STPG2: variants seen among roughly 807,000 people sequenced by gnomAD.
STPG2 encodes the protein sperm tail PG-rich repeat containing 2.
STPG2 carries 56 observed loss-of-function variants against 54.2 expected under a neutral mutation model. That is an observed-to-expected ratio of 1.03 (90% CI 0.83 to 1.29). STPG2 has a LOEUF of 1.29. Among genes scored for constraint, STPG2 ranks in the 50% most tolerant of loss-of-function variants. The probability of loss-of-function intolerance (pLI) is 0.00; values close to 1 mark genes in which losing one functional copy is unlikely to be tolerated. For missense variants in STPG2, 596 were observed against 544.9 expected (o/e 1.09, Z -0.93); for synonymous variants, 200 against 181.8 (o/e 1.10, Z -0.81).
chr4:97,985,941 C>T (rs1282185850), intron 5 of STPG2, among the ~76,000 whole-genome samples: 4 of 142,564 alleles, frequency 2.8e-5, no homozygotes, highest in Admixed American at 6.9e-5. Flanking sequence ...CGCACGTGAG[C>T]GCACACAAAC....
intron 9 of STPG2, among the ~76,000 whole-genome samples, chr4:97,755,157 T>C (rs1473656115): frequency 1.3e-5 from 2 of 152,198 alleles, no homozygotes; most frequent in African/African-American, 2.4e-5. Flanking sequence ...ATTTCTCTAA[T>C]AAATAACTAA....
At chr4:98,078,532 T>C (rs1362938277) in intron 5 of STPG2, among the ~76,000 whole-genome samples, 1 of 151,500 alleles carries the variant, frequency 6.6e-6, no homozygotes, top group Non-Finnish European at 1.5e-5. Context: ...GCACTTGTGG[T>C]GACCCTGAAC....
At chr4:97,891,668 A>G (rs1021021621) in intron 8 of STPG2, among the ~76,000 whole-genome samples, 1 of 152,128 alleles carries the variant, frequency 6.6e-6, no homozygotes, top group African/African-American at 2.4e-5. Flanking sequence ...TCCTACAAGT[A>G]GAAAAAAAAT....
intron 5 of STPG2, among the ~76,000 whole-genome samples, chr4:98,103,440 G>A (rs940219647): frequency 2.0e-5 from 3 of 151,856 alleles, no homozygotes; most frequent in Non-Finnish European, 2.9e-5. Flanking sequence ...TCAGGAGTTC[G>A]AGACCAGCCT....
chr4:97,693,798 C>G (rs1391924047), intron 10 of STPG2, among the ~76,000 whole-genome samples: 2 of 152,020 alleles, frequency 1.3e-5, no homozygotes, highest in African/African-American at 2.4e-5. Context: ...TCAAGAAAAT[C>G]AAATTATAGC....
chr4:97,672,166 C>CTTTTTTTTTT (rs70953079), intron 10 of STPG2, among the ~76,000 whole-genome samples: 5 of 80,684 alleles, frequency 6.2e-5, no homozygotes, highest in East Asian at 4.1e-4. Flanking sequence ...ACTGGTAATT[C>CTTTTTTTTTT]TTTTTTTTTT....
intron 4 of STPG2, among the ~76,000 whole-genome samples, chr4:97,474,716 A>G (rs1002099150): frequency 6.6e-6 from 1 of 152,060 alleles, no homozygotes; most frequent in African/African-American, 2.4e-5. Flanking sequence ...TATAAAGAAG[A>G]ATGCTCACTG....
chr4:97,761,569 T>C (rs1024539781), intron 9 of STPG2, among the ~76,000 whole-genome samples: 3 of 152,170 alleles, frequency 2.0e-5, no homozygotes, highest in African/African-American at 4.8e-5. Context: ...ACCCAGCTTA[T>C]GGTACTTAGT....
chr4:97,929,515 T>C (rs2952911), intron 8 of STPG2, among the ~76,000 whole-genome samples: 63,496 of 152,058 alleles, frequency 0.42, 13,833 homozygotes, highest in Admixed American at 0.53. Flanking sequence ...CATTCTTTTT[T>C]CTCTGCAACC....
intron 5 of STPG2, among the ~76,000 whole-genome samples, chr4:98,076,501 T>C (rs1465060968): frequency 2.0e-5 from 3 of 152,194 alleles, no homozygotes; most frequent in African/African-American, 7.2e-5. Context: ...AAACTGATAA[T>C]TTTTAAAATT....
chr4:97,865,261 C>A (rs1331147184), intron 8 of STPG2, among the ~76,000 whole-genome samples: 2 of 152,078 alleles, frequency 1.3e-5, no homozygotes, highest in African/African-American at 2.4e-5. Flanking sequence ...AAACAAACAA[C>A]CCCATCAAAA....
intron 4 of STPG2, among the ~76,000 whole-genome samples, chr4:97,474,113 G>A (rs926392461): frequency 6.6e-6 from 1 of 152,054 alleles, no homozygotes; most frequent in Non-Finnish European, 1.5e-5. Context: ...CTCAATGTAG[G>A]TTTATTGATT....
intron 5 of STPG2, among the ~76,000 whole-genome samples, chr4:98,024,317 T>C (rs1560642596): frequency 6.6e-6 from 1 of 152,206 alleles, no homozygotes; most frequent in Non-Finnish European, 1.5e-5. Context: ...TGTCTAGTAG[T>C]TTCACTGCTG....
At chr4:97,697,175 G>T (rs917122031) in intron 10 of STPG2, among the ~76,000 whole-genome samples, 1 of 152,176 alleles carries the variant, frequency 6.6e-6, no homozygotes, top group African/African-American at 2.4e-5. Flanking sequence ...GAAACATGGT[G>T]GTATAGTGGC....
intron 9 of STPG2, among the ~76,000 whole-genome samples, chr4:97,807,107 T>C (rs931682758): frequency 1.6e-4 from 25 of 151,656 alleles, no homozygotes; most frequent in African/African-American, 5.8e-4. Context: ...ATAAATGATA[T>C]TGTACTTTAT....
chr4:97,621,583 A>C (rs1441825410), intron 10 of STPG2, among the ~76,000 whole-genome samples: 7 of 152,156 alleles, frequency 4.6e-5, no homozygotes, highest in Non-Finnish European at 8.8e-5. Context: ...ACAAAAAAGA[A>C]ACTGAATCCT....
At chr4:97,485,520 A>G (rs187647525) in intron 4 of STPG2, among the ~76,000 whole-genome samples, 2 of 151,984 alleles carry the variant, frequency 1.3e-5, no homozygotes, top group Admixed American at 1.3e-4. Context: ...GACCTCTACA[A>G]TGAAAACTGC....
chr4:97,914,799 CAAA>C (rs2149203280), intron 8 of STPG2, among the ~76,000 whole-genome samples: 1 of 152,290 alleles, frequency 6.6e-6, no homozygotes, highest in Non-Finnish European at 1.5e-5. Context: ...TGTCGGCATT[CAAA>C]AAGTTTCAGA....
chr4:97,531,528 T>G (rs1373990561), intron 4 of STPG2, among the ~76,000 whole-genome samples: 1 of 152,148 alleles, frequency 6.6e-6, no homozygotes, highest in African/African-American at 2.4e-5. Flanking sequence ...AATTCAGTCA[T>G]AAAAATGAAT....
Sources: gnomAD v4.1 joint callset for allele counts (sites outside exome capture counted in the v4.1 genomes callset) on GRCh38, gnomAD v4.1.1 for gene constraint, MANE v1.5 for transcripts, NCBI Gene and HGNC (gene_info 2026-07-23, HGNC 2026-07-21) for gene names.